Variants in LHFPL2 observed in about 807,000 individuals in gnomAD.
LHFPL2 encodes the protein LHFPL tetraspan subfamily member 2, also known as LHFPL tetraspan subfamily member 2 protein.
A neutral mutation model predicts 17.5 loss-of-function variants in LHFPL2; 7 were observed. That is an observed-to-expected ratio of 0.40 (90% CI 0.23 to 0.75). The LOEUF (loss-of-function observed/expected upper bound fraction) is 0.75, where lower values mean the gene tolerates loss of function less well. LHFPL2 is among the 30% of genes least tolerant of loss of function. The probability of loss-of-function intolerance (pLI) is 0.37; values close to 1 mark genes in which losing one functional copy is unlikely to be tolerated. For missense variants in LHFPL2, 241 were observed against 294.8 expected, an observed-to-expected ratio of 0.82 and a Z score of 1.34; for synonymous variants, 134 against 116.2, an observed-to-expected ratio of 1.15 and a Z score of -0.99.
At chr5:78,548,096 A>AGCTCCC (rs1200403608) in intron 3 of LHFPL2, among the ~76,000 whole-genome samples, 4 of 152,236 alleles carry the variant, frequency 2.6e-5, no homozygotes, top group Non-Finnish European at 5.9e-5. Context: ...TTCCAGCTCC[A>AGCTCCC]GCTCCCATGA....
intron 3 of LHFPL2, among the ~76,000 whole-genome samples, chr5:78,546,149 T>C (rs1219421264): frequency 6.6e-6 from 1 of 152,260 alleles, no homozygotes; most frequent in African/African-American, 2.4e-5. Flanking sequence ...CATGTCTGCG[T>C]AGTTTTTGCA....
At chr5:78,524,929 T>C (rs2112348364) in intron 3 of LHFPL2, among the ~76,000 whole-genome samples, 1 of 152,336 alleles carries the variant, frequency 6.6e-6, no homozygotes, top group East Asian at 1.9e-4. Flanking sequence ...ATTGTGTGGA[T>C]ATTTAATACT....
chr5:78,539,915 C>T lies in LHFPL2; in HGVS notation c.-186+24898G>A, dbSNP rs535300723. On this transcript the variant is annotated intron_variant, in intron 3 of 4. Coordinates refer to ENST00000380345, the MANE Select transcript of LHFPL2 (RefSeq NM_005779.3). ...CCATTCTGGCCACACAAATCTCTCC[C>T]TTCTCTGATCTCCCACTGTGCTTGG... Among the ~76,000 whole-genome samples, 137 of 151,584 alleles carry T rather than the reference C, an allele frequency of 9.0e-4. 2 individuals carry two copies. The South Asian group carries it at 0.013, about 15-fold the overall frequency.
intron 3 of LHFPL2, among the ~76,000 whole-genome samples, chr5:78,514,319 G>A (rs1755225347): frequency 6.7e-6 from 1 of 150,270 alleles, no homozygotes; most frequent in Non-Finnish European, 1.5e-5. Flanking sequence ...AGAAAATGAT[G>A]ACTGGCACAA....
At chr5:78,568,439 C>T (rs559923047) in intron 2 of LHFPL2, among the ~76,000 whole-genome samples, 6 of 152,162 alleles carry the variant, frequency 3.9e-5, no homozygotes, top group Non-Finnish European at 8.8e-5. Context: ...ACGGCCCCCA[C>T]GTGATGGGCA....
intron 3 of LHFPL2, among the ~76,000 whole-genome samples, chr5:78,523,872 A>G (rs1755536546): frequency 6.6e-6 from 1 of 152,218 alleles, no homozygotes; most frequent in African/African-American, 2.4e-5. Flanking sequence ...ATAAACAGGC[A>G]GTTAGTACAA....
At chr5:78,588,521 T>C (rs1468470430) in intron 2 of LHFPL2, among the ~76,000 whole-genome samples, 1 of 152,224 alleles carries the variant, frequency 6.6e-6, no homozygotes, top group Admixed American at 6.5e-5. Context: ...TCTAATCTAA[T>C]GTCTAGCCAT....
chr5:78,485,326 A>C lies in LHFPL2; in HGVS notation c.*3571T>G, dbSNP rs1370645282. The stretch of plus-strand genomic sequence containing the variant: ...CCAAATCAATGCTAGACAATGTATT[A>C]GTTTACAATATAATAGGATAACTAC... On this transcript the variant is annotated 3_prime_UTR_variant, in exon 5 of 5. Transcript: ENST00000380345. 6.6e-6 allele frequency: 1 copy of C among 151,730 alleles called. No individual in the cohort carries two copies. The highest frequency in any genetic ancestry group is 1.5e-5 in the Non-Finnish European group (1 of 67,914). The allele number at this position is 151,730 out of a possible 1,614,324, so 9.4% of individuals were successfully genotyped here. A position where few individuals can be genotyped will look rare whatever the true frequency, so the allele number is the denominator to read the frequency against.
At chr5:78,537,575 G>T (rs1298512048) in intron 3 of LHFPL2, among the ~76,000 whole-genome samples, 1 of 152,068 alleles carries the variant, frequency 6.6e-6, no homozygotes, top group East Asian at 1.9e-4. Flanking sequence ...GAAACAAGAT[G>T]ATTTCTGCTC....
chr5:78,638,019 G>T (rs1433278620), intron 1 of LHFPL2, among the ~76,000 whole-genome samples: 1 of 152,170 alleles, frequency 6.6e-6, no homozygotes, highest in Non-Finnish European at 1.5e-5. Flanking sequence ...AGGACCCAAT[G>T]AATAGCTGAC....
chr5:78,577,146 G>A (rs944844712), intron 2 of LHFPL2, among the ~76,000 whole-genome samples: 2 of 152,152 alleles, frequency 1.3e-5, no homozygotes, highest in Admixed American at 6.5e-5. Flanking sequence ...ATCATACAGT[G>A]CAAATGAGAG....
intron 2 of LHFPL2, among the ~76,000 whole-genome samples, chr5:78,621,794 A>G (rs1744864499): frequency 6.6e-6 from 1 of 152,126 alleles, no homozygotes; most frequent in Non-Finnish European, 1.5e-5. Flanking sequence ...CAGGCCTGTT[A>G]ATGGTGTGTG....
chr5:78,519,043 A>C, intron 3 of LHFPL2, among the ~76,000 whole-genome samples: 1 of 123,162 alleles, frequency 8.1e-6, no homozygotes, highest in East Asian at 2.6e-4. Flanking sequence ...TGGACAGGGG[A>C]AGTCTGTCCC....
intron 2 of LHFPL2, among the ~76,000 whole-genome samples, chr5:78,581,765 C>T (rs1005447776): frequency 2.8e-4 from 43 of 152,150 alleles, no homozygotes; most frequent in Admixed American, 7.2e-4. Context: ...TTTGGTTGTG[C>T]CTCTACCCGG....
chr5:78,579,918 C>T (rs762081838), intron 2 of LHFPL2, among the ~76,000 whole-genome samples: 6 of 152,194 alleles, frequency 3.9e-5, no homozygotes, highest in Non-Finnish European at 5.9e-5. Context: ...CTTGAGGAAT[C>T]GCCACACTGA....
chr5:78,576,476 C>T (rs981563882), intron 2 of LHFPL2, among the ~76,000 whole-genome samples: 1 of 152,122 alleles, frequency 6.6e-6, no homozygotes, highest in African/African-American at 2.4e-5. Flanking sequence ...CCTAAAAAAA[C>T]AAGTCCTCCC....
chr5:78,514,612 A>T (rs1175647549), intron 3 of LHFPL2, among the ~76,000 whole-genome samples: 1 of 152,178 alleles, frequency 6.6e-6, no homozygotes, highest in Admixed American at 6.5e-5. Flanking sequence ...TGAAGCCAGA[A>T]CCACCCAGTG....
intron 1 of LHFPL2, chr5:78,641,946 CTCA>C (rs1745681843): frequency 6.6e-6 from 1 of 152,052 alleles, no homozygotes; most frequent in Non-Finnish European, 1.5e-5. Flanking sequence ...CACATATATG[CTCA>C]AGCTGCTATA....
chr5:78,531,254 T>A (rs1755774194), intron 3 of LHFPL2, among the ~76,000 whole-genome samples: 1 of 150,016 alleles, frequency 6.7e-6, no homozygotes, highest in Non-Finnish European at 1.5e-5. Flanking sequence ...CGTCTCTACT[T>A]AAAATACAAA....
Sources: gnomAD v4.1 joint callset for allele counts (sites outside exome capture counted in the v4.1 genomes callset) on GRCh38, gnomAD v4.1.1 for gene constraint, MANE v1.5 for transcripts, NCBI Gene and HGNC (gene_info 2026-07-23, HGNC 2026-07-21) for gene names.